The following TTC7B variants were observed in gnomAD, a reference collection of about 807,000 sequenced individuals.
TTC7B encodes tetratricopeptide repeat domain 7B.
A neutral mutation model predicts 106.8 loss-of-function variants in TTC7B; 28 were observed. That is an observed-to-expected ratio of 0.26 (90% CI 0.19 to 0.36). The LOEUF (loss-of-function observed/expected upper bound fraction) is 0.36. Ranked by LOEUF, TTC7B falls within the 10% of genes least tolerant of loss-of-function variation. The pLI is 1.00. For missense variants in TTC7B, 862 were observed against 1,076.4 expected (o/e 0.80, Z 2.79); for synonymous variants, 405 against 430.6 (o/e 0.94, Z 0.74).
chr14:90,615,708 G>T (rs534490272), intron 16 of TTC7B, among the ~76,000 whole-genome samples: 92 of 152,300 alleles, frequency 6.0e-4, no homozygotes, highest in African/African-American at 2.1e-3. Context: ...GGCTGGCGGG[G>T]ATGACTACAT....
intron 3 of TTC7B, among the ~76,000 whole-genome samples, chr14:90,758,495 G>A (rs1212986570): frequency 6.6e-5 from 10 of 151,992 alleles, no homozygotes; most frequent in African/African-American, 2.4e-4. Flanking sequence ...ACGGTCCCAA[G>A]GCCGACCCGG....
intron 4 of TTC7B, among the ~76,000 whole-genome samples, chr14:90,743,699 A>G (rs1889853294): frequency 6.6e-6 from 1 of 152,250 alleles, no homozygotes; most frequent in East Asian, 1.9e-4. Flanking sequence ...ATCTGGGCTA[A>G]GTGCCTTTAT....
rs556825882 is a variant in TTC7B at position 90,717,027 on chromosome 14, G to GA, written c.698+13047dup. ...CAAACCCAAAATACAGAGGAAGGTGGAAAAAACAAATGTCAATTAAGAAAT... is the reference window on the plus strand; with the variant it reads ...CAAACCCAAAATACAGAGGAAGGTGGAAAAAAACAAATGTCAATTAAGAAAT... On this transcript the variant is annotated intron_variant, in intron 5 of 19. Coordinates refer to ENST00000328459, the MANE Select transcript of TTC7B (RefSeq NM_001010854.2). Among the ~76,000 whole-genome samples, 115 of 152,202 alleles carry GA rather than the reference G, an allele frequency of 7.6e-4. No individual in the cohort carries two copies. In the South Asian group the frequency reaches 0.013, roughly 17 times the overall value.
chr14:90,766,801 A>G (rs1220670051), intron 3 of TTC7B: 2 of 1,581,374 alleles, frequency 1.3e-6, no homozygotes, highest in Non-Finnish European at 1.7e-6. Flanking sequence ...GAAGGATGTA[A>G]AGGATGGAAA....
In TTC7B at chr14:90,767,045, AG is replaced by A. The variant is rs202245494; in HGVS notation, c.445+13692del. On this transcript the variant is annotated intron_variant, in intron 3 of 19. Transcript: ENST00000328459. ...TTATATACCAAAAAAAAAAAAAAAA[AG>A]AAAGAAAGGAAGAAAAGAAATTCTG... The A allele has an allele frequency of 6.7e-3, 5,082 of 756,916 alleles. 56 individuals are homozygous for A. Among genetic ancestry groups the A allele is most frequent in the East Asian group, 0.02 (612 of 30,196 alleles). The allele number at this position is 756,916 out of a possible 1,614,324, so 46.9% of individuals were successfully genotyped here.
intron 5 of TTC7B, among the ~76,000 whole-genome samples, chr14:90,727,540 G>A (rs1042835550): frequency 6.6e-6 from 1 of 152,322 alleles, no homozygotes; most frequent in East Asian, 1.9e-4. Context: ...ATCAGAAGGG[G>A]CTTAGGAACT....
chr14:90,739,420 A>G (rs2139997328), intron 4 of TTC7B, among the ~76,000 whole-genome samples: 1 of 152,306 alleles, frequency 6.6e-6, no homozygotes, highest in East Asian at 1.9e-4. Flanking sequence ...TGCTTTTCCT[A>G]GGACACCTGG....
rs1476707135 is a variant in TTC7B at position 90,535,088 on chromosome 14, C to G, written c.*6280G>C. 6.6e-6 allele frequency: 1 copy of G among 152,446 alleles called. No individual in the cohort carries two copies. The highest frequency in any genetic ancestry group is 6.5e-5 in the Admixed American group (1 of 15,290). 9.4% of individuals were successfully genotyped at this position (152,446 alleles called of 1,614,324 possible). ...GGGAGGCCTTGGTTCCCTCCTTTCCCCACCGAGGGAGGTCCCCACGCAGCC... is the reference window on the plus strand; with the variant it reads ...GGGAGGCCTTGGTTCCCTCCTTTCCGCACCGAGGGAGGTCCCCACGCAGCC... On this transcript the variant is annotated 3_prime_UTR_variant, in exon 20 of 20. Transcript: ENST00000328459.
rs2030533702 is a variant in TTC7B, at chr14:90,805,222, T to A, written c.121+10953A>T. 6.6e-6 allele frequency among the ~76,000 whole-genome samples: 1 copy of A among 152,008 alleles called. No individual in the cohort carries two copies. Among genetic ancestry groups the A allele is most frequent in the Non-Finnish European group, 1.5e-5 (1 of 68,000 alleles). On this transcript the variant is annotated intron_variant, in intron 1 of 19. Transcript: ENST00000328459. This position sits in a 1 kb window ranked among gnomAD's most constrained non-coding sequence, Gnocchi z 4.0. ...CCAGTGGCTGGCACACAGTAGGTGT[T>A]CAGTAAGAGCTCGATGAGTAATGAA...
chr14:90,614,812 T>C (rs1026230933), intron 16 of TTC7B, among the ~76,000 whole-genome samples: 4 of 152,164 alleles, frequency 2.6e-5, no homozygotes, highest in Non-Finnish European at 5.9e-5. Flanking sequence ...ATAAACGTGG[T>C]TATTACCATC....
chr14:90,793,300 G>A (rs1891649883), intron 1 of TTC7B, among the ~76,000 whole-genome samples: 1 of 152,076 alleles, frequency 6.6e-6, no homozygotes, highest in Non-Finnish European at 1.5e-5. Context: ...AAGGTGGGCG[G>A]ATCACCTGAG....
chr14:90,806,912 C>CA (rs61410290), intron 1 of TTC7B, among the ~76,000 whole-genome samples: 94,074 of 151,684 alleles, frequency 0.62, 30,571 homozygotes, highest in Middle Eastern at 0.73. Flanking sequence ...ATCTCAAAAA[C>CA]AAAAAGAGTG....
intron 1 of TTC7B, among the ~76,000 whole-genome samples, chr14:90,795,550 G>A (rs1891747836): frequency 6.6e-6 from 1 of 152,216 alleles, no homozygotes; most frequent in Non-Finnish European, 1.5e-5. Context: ...GCAGCCCTGG[G>A]CTTAAATCCC....
intron 15 of TTC7B, among the ~76,000 whole-genome samples, chr14:90,626,469 C>T (rs1884445661): frequency 1.3e-5 from 2 of 152,142 alleles, no homozygotes; most frequent in African/African-American, 4.8e-5. Flanking sequence ...GCTGGGGAGT[C>T]CACAATGTAC....
At chr14:90,609,457 A>C (rs565211106) in intron 17 of TTC7B, among the ~76,000 whole-genome samples, 3 of 152,308 alleles carry the variant, frequency 2.0e-5, no homozygotes, top group African/African-American at 4.8e-5. Context: ...GCCAGGCTTG[A>C]ACATCACATC....
At chr14:90,625,084 T>G (rs1339659217) in intron 15 of TTC7B, among the ~76,000 whole-genome samples, 5 of 152,192 alleles carry the variant, frequency 3.3e-5, no homozygotes, top group Non-Finnish European at 7.3e-5. Context: ...AGTGAGCATC[T>G]GTCACCAGGT....
intron 15 of TTC7B, among the ~76,000 whole-genome samples, chr14:90,639,495 T>C (rs948832687): frequency 6.6e-6 from 1 of 152,208 alleles, no homozygotes; most frequent in Non-Finnish European, 1.5e-5. Flanking sequence ...GGTGACATCA[T>C]TAACCAGCAA....
intron 8 of TTC7B, among the ~76,000 whole-genome samples, chr14:90,679,346 G>A (rs1275950682): frequency 2.6e-5 from 4 of 152,142 alleles, no homozygotes; most frequent in East Asian, 1.9e-4. Context: ...CCTTCTCTCC[G>A]CGCATGTACG....
At chr14:90,704,216 G>A (rs1433972640) in intron 5 of TTC7B, among the ~76,000 whole-genome samples, 3 of 152,142 alleles carry the variant, frequency 2.0e-5, no homozygotes, top group African/African-American at 7.2e-5. Context: ...CCCACCATCC[G>A]GCCCTTCATT....
Sources: allele counts gnomAD v4.1 joint callset (sites outside exome capture counted in the v4.1 genomes callset), GRCh38; gene constraint gnomAD v4.1.1; non-coding constraint Gnocchi (gnomAD v3.1); transcripts MANE v1.5; gene names NCBI Gene and HGNC (gene_info 2026-07-23, HGNC 2026-07-21).